Variants in ARHGAP27 observed in about 807,000 individuals in gnomAD.
ARHGAP27 encodes the protein rho GTPase-activating protein 27.
ARHGAP27 carries 53 observed loss-of-function variants against 102.0 expected under a neutral mutation model. That is an observed-to-expected ratio of 0.52 (90% CI 0.42 to 0.65). The LOEUF (loss-of-function observed/expected upper bound fraction) is 0.65, where lower values mean the gene tolerates loss of function less well. ARHGAP27 is among the 30% of genes least tolerant of loss of function. The pLI is 0.00. For missense variants in ARHGAP27, 1,117 were observed against 1,256.2 expected (o/e 0.89, Z 1.68); for synonymous variants, 525 against 542.8 (o/e 0.97, Z 0.46).
At chr17:45,425,023 G>A (rs754151505) in intron 4 of ARHGAP27, among the ~76,000 whole-genome samples, 1 of 149,544 alleles carries the variant, frequency 6.7e-6, no homozygotes, top group Non-Finnish European at 1.5e-5. Flanking sequence ...GGTGCGGGGG[G>A]TGGGCAGGGA....
rs1179787176 is a variant in ARHGAP27 at position 45,429,523 on chromosome 17, C to T, written c.657+100G>A. On this transcript the variant is annotated intron_variant, in intron 4 of 19. Coordinates refer to ENST00000685559, the MANE Select transcript of ARHGAP27 (RefSeq NM_001282290.2). Reference sequence around the variant, plus strand: ...TCTTCGGACAGAGGTGGGCGTCGTGCCCGACGCTGAGCGGAGCGGGTCTCC... The same window carrying T: ...TCTTCGGACAGAGGTGGGCGTCGTGTCCGACGCTGAGCGGAGCGGGTCTCC... 3.3e-6 allele frequency: 5 copies of T among 1,533,692 alleles called. No homozygotes were observed. In the East Asian group the frequency reaches 9.5e-5, roughly 29 times the overall value.
intron 11 of ARHGAP27, 79 bp downstream of exon 11, chr17:45,403,540 G>C (rs2046726384): frequency 1.6e-6 from 2 of 1,226,584 alleles, no homozygotes; most frequent in South Asian, 2.9e-5. Flanking sequence ...GACAGAGCGA[G>C]ACTCCGTCTC....
chr17:45,404,931 T>A lies in ARHGAP27; in HGVS notation c.1241A>T (p.Gln414Leu), dbSNP rs1178116731. The A allele has an allele frequency of 6.2e-7, 1 of 1,614,018 alleles. No homozygotes were observed. The highest frequency in any genetic ancestry group is 8.5e-7 in the Non-Finnish European group (1 of 1,179,968). The change falls in exon 6 of 20, where the codon CAG becomes CTG. Residue 414 changes from glutamine (Q) to leucine (L), a missense_variant. Around this residue, in one of 3 missense-constraint regions of ARHGAP27, gnomAD observed 610 missense variants for 716.4 expected, o/e 0.85. Transcript: ENST00000685559. ...KQMLYTNHFT[Q>L]EQWVRLEDPH... ...TCTGCCCCCTGCCCCTACCTGCTCC[T>A]GAGTGAAGTGGTTGGTGTAGAGCAT... is the stretch of plus-strand genomic sequence containing the variant.
At chr17:45,396,380 T>C in intron 16 of ARHGAP27, 96 bp from the exon 17 acceptor site, 1 of 1,472,734 alleles carries the variant, frequency 6.8e-7, no homozygotes, top group Non-Finnish European at 9.0e-7. Flanking sequence ...CCTCCCGTAC[T>C]TTCCCCCTGG....
chr17:45,413,720 G>T (rs1335203424), intron 4 of ARHGAP27, among the ~76,000 whole-genome samples: 1 of 152,120 alleles, frequency 6.6e-6, no homozygotes, highest in Non-Finnish European at 1.5e-5. Context: ...GTGGGAGCTG[G>T]GGTGGGGCAT....
At chr17:45,422,996 C>CA (rs1282250947) in intron 4 of ARHGAP27, among the ~76,000 whole-genome samples, 1 of 151,978 alleles carries the variant, frequency 6.6e-6, no homozygotes, top group Non-Finnish European at 1.5e-5. Context: ...GCCTGGCCAA[C>CA]ATGGCAAAAT....
chr17:45,429,380 T>G, intron 4 of ARHGAP27: 1 of 1,343,408 alleles, frequency 7.4e-7, no homozygotes. Flanking sequence ...TGCCACCAAT[T>G]GGATTACGAA....
At position 45,430,516 on chromosome 17, in the gene ARHGAP27, T is replaced by C. The variant is rs2049977341; in HGVS notation, c.-18-219A>G. On this transcript the variant is annotated intron_variant, in intron 3 of 19. Coordinates refer to ENST00000685559, the MANE Select transcript of ARHGAP27 (RefSeq NM_001282290.2). This position sits in a 1 kb window ranked among gnomAD's most constrained non-coding sequence, Gnocchi z 4.4. ...GGAATTAGGACAGCCCTTCGTTCTG[T>C]GGGGTTGATTCTAAGATTTGACCCT... 6.6e-6 allele frequency among the ~76,000 whole-genome samples: 1 copy of C among 152,184 alleles called. No individual in the cohort carries two copies. The highest frequency in any genetic ancestry group is 2.4e-5 in the African/African-American group (1 of 41,444).
At position 45,396,207 on chromosome 17, in the gene ARHGAP27, C is replaced by A; in HGVS notation, c.2251G>T (p.Asp751Tyr). 1.2e-6 allele frequency: 2 copies of A among 1,609,276 alleles called. No homozygotes were observed. The highest frequency in any genetic ancestry group is 1.7e-6 in the Non-Finnish European group (2 of 1,177,056). ...GGCAGGGGTTGGGGACGGGCCTCACCGTGGTCCACCTTATAGCGTAGCTTC... is the reference window on the plus strand; with the variant it reads ...GGCAGGGGTTGGGGACGGGCCTCACAGTGGTCCACCTTATAGCGTAGCTTC... ...IQKLRYKVDH[D>Y]ERLDLDDGRW... Residue 751 changes from aspartate to tyrosine, a missense_variant and splice_region_variant, in exon 17 of 20, where the codon GAT becomes TAT. By Grantham distance (160) the Asp-to-Tyr change is radical (BLOSUM62 -3). Around this residue, in one of 3 missense-constraint regions of ARHGAP27, gnomAD observed 493 missense variants for 505.5 expected, o/e 0.98. Coordinates refer to ENST00000685559, the MANE Select transcript of ARHGAP27 (RefSeq NM_001282290.2).
chr17:45,408,514 C>G (rs1488808487), intron 4 of ARHGAP27: 1 of 152,220 alleles, frequency 6.6e-6, no homozygotes, highest in Non-Finnish European at 1.5e-5. Context: ...CTCTCCTCTC[C>G]CCTTCCTCCA....
rs1488691975 is a variant in ARHGAP27 at position 45,397,757 on chromosome 17, A to G, written c.1842+192T>C. Reference sequence around the variant, plus strand: ...CCTGGAGAGTCTTCCTGCAGGGCCAACCCCAGGGCTGGATTCACAGACTTA... The same window carrying G: ...CCTGGAGAGTCTTCCTGCAGGGCCAGCCCCAGGGCTGGATTCACAGACTTA... On this transcript the variant is annotated intron_variant, in intron 13 of 19. Transcript: ENST00000685559. The G allele has an allele frequency of 1.1e-5, 5 of 443,414 alleles. No individual in the cohort carries two copies. In the East Asian group the frequency reaches 1.3e-4, roughly 12 times the overall value. 27.5% of individuals were successfully genotyped at this position (443,414 alleles called of 1,614,324 possible). A position where few individuals can be genotyped will look rare whatever the true frequency, so the allele number is the denominator to read the frequency against.
chr17:45,420,705 A>C (rs2048940483), intron 4 of ARHGAP27, among the ~76,000 whole-genome samples: 1 of 152,144 alleles, frequency 6.6e-6, no homozygotes. Flanking sequence ...CTGTAATCCC[A>C]GCACTTTGGG....
At chr17:45,397,420 A>G in intron 13 of ARHGAP27, 1 of 499,216 alleles carries the variant, frequency 2.0e-6, no homozygotes, top group Non-Finnish European at 2.8e-6. Context: ...CTGCACCAAT[A>G]TCACCTCTCT....
rs577285975 is a variant in ARHGAP27 at position 45,429,170 on chromosome 17, G to T, written c.657+453C>A. On this transcript the variant is annotated intron_variant, in intron 4 of 19. Coordinates refer to ENST00000685559, the MANE Select transcript of ARHGAP27 (RefSeq NM_001282290.2). The stretch of plus-strand genomic sequence containing the variant: ...AATCCCCCGTTCCGTGCCCAGATGC[G>T]CTTCGGAATACAGAACAGCTGGGAC... Among the ~76,000 whole-genome samples, 4 of 152,348 alleles carry T rather than the reference G, an allele frequency of 2.6e-5. No homozygotes were observed. The South Asian group carries it at 8.3e-4, about 32-fold the overall frequency.
intron 4 of ARHGAP27, 111 bp downstream of exon 4, chr17:45,429,512 T>C: frequency 6.6e-7 from 1 of 1,524,960 alleles, no homozygotes; most frequent in Non-Finnish European, 8.7e-7. Context: ...CGGACAGAGG[T>C]GGGCGTCGTG....
intron 16 of ARHGAP27, 99 bp from the exon 17 acceptor site, chr17:45,396,383 C>A (rs2045665662): frequency 2.7e-6 from 4 of 1,464,588 alleles, no homozygotes; most frequent in Non-Finnish European, 3.6e-6. Context: ...CCCGTACTTT[C>A]CCCCTGGACC....
At chr17:45,398,703 C>T (rs1455875612) in intron 12 of ARHGAP27, among the ~76,000 whole-genome samples, 1 of 151,088 alleles carries the variant, frequency 6.6e-6, no homozygotes, top group Non-Finnish European at 1.5e-5. Flanking sequence ...CACTGCACTT[C>T]ACCCTGGGCG....
chr17:45,412,116 A>T (rs1396007078), intron 4 of ARHGAP27, among the ~76,000 whole-genome samples: 3 of 152,196 alleles, frequency 2.0e-5, no homozygotes, highest in Non-Finnish European at 2.9e-5. Flanking sequence ...TCTCTTCCCC[A>T]GTAGGAAGCT....
intron 4 of ARHGAP27, among the ~76,000 whole-genome samples, chr17:45,426,202 G>C (rs140939179): frequency 6.6e-6 from 1 of 152,128 alleles, no homozygotes; most frequent in African/African-American, 2.4e-5. Context: ...CTTCCTGGCC[G>C]TGTGAGCTTC....
Sources: gnomAD v4.1 joint callset for allele counts (sites outside exome capture counted in the v4.1 genomes callset) on GRCh38, gnomAD v4.1.1 for gene constraint, gnomAD v4.1.1 regional missense constraint, Gnocchi (gnomAD v3.1) non-coding constraint, MANE v1.5 for transcripts, NCBI Gene and HGNC (gene_info 2026-07-23, HGNC 2026-07-21) for gene names.